ZEB2: variants seen among roughly 807,000 people sequenced by gnomAD.
The protein encoded by ZEB2 is zinc finger E-box binding homeobox 2.
Under a neutral mutation model 99.9 loss-of-function variants are expected in ZEB2, and 6 were observed. The ratio of observed to expected loss-of-function variants is 0.06; its 90% confidence interval spans 0.03 to 0.12. The LOEUF (loss-of-function observed/expected upper bound fraction) is 0.12. ZEB2 is among the 10% of genes least tolerant of loss of function. The pLI, the probability that ZEB2 is intolerant of heterozygous loss-of-function variation, is 1.00. For synonymous variants in ZEB2, 517 were observed against 542.5 expected (o/e 0.95, Z 0.65); for missense variants, 969 against 1,502.8 (o/e 0.64, Z 5.87).
chr2:144,427,762 G>A (rs1188095918), intron 3 of ZEB2: 3 of 152,126 alleles, frequency 2.0e-5, no homozygotes, highest in African/African-American at 7.2e-5. Context: ...GGTCCAAATA[G>A]CCAAATGAGA....
At chr2:144,461,546 A>T (rs986031305) in intron 2 of ZEB2, 1 of 152,214 alleles carries the variant, frequency 6.6e-6, no homozygotes, top group African/African-American at 2.4e-5. Context: ...ACACCCACTC[A>T]GTACCGCAAC....
chr2:144,512,902 C>A, intron 2 of ZEB2: 1 of 1,287,248 alleles, frequency 7.8e-7, no homozygotes, highest in Non-Finnish European at 1.0e-6. Flanking sequence ...ACACAACCTG[C>A]CCCAGTGCTT....
intron 6 of ZEB2, among the ~76,000 whole-genome samples, chr2:144,403,278 A>AG (rs1418105760): frequency 6.6e-6 from 1 of 152,216 alleles, no homozygotes; most frequent in Admixed American, 6.5e-5. Flanking sequence ...AAGCAAAAAG[A>AG]GGGGGAGTAA....
At chr2:144,515,218 T>C (rs138069591) in intron 2 of ZEB2, among the ~76,000 whole-genome samples, 3 of 151,732 alleles carry the variant, frequency 2.0e-5, no homozygotes, top group Admixed American at 6.6e-5. Context: ...AAAAAATGAC[T>C]GTTTAACAGA....
At chr2:144,405,919 T>A (rs1006046391) in intron 4 of ZEB2, among the ~76,000 whole-genome samples, 1 of 152,220 alleles carries the variant, frequency 6.6e-6, no homozygotes, top group Admixed American at 6.5e-5. Context: ...CTATCATAAA[T>A]AATATTTTTA....
chr2:144,423,638 A>G (rs1470644081), intron 4 of ZEB2, among the ~76,000 whole-genome samples: 2 of 152,168 alleles, frequency 1.3e-5, no homozygotes, highest in Non-Finnish European at 2.9e-5. Context: ...TACTTTTTCT[A>G]GAATCATCTA....
At chr2:144,411,097 A>ATATATATATG (rs1553962757) in intron 4 of ZEB2, among the ~76,000 whole-genome samples, 2 of 99,144 alleles carry the variant, frequency 2.0e-5, no homozygotes, top group African/African-American at 6.9e-5. Flanking sequence ...ATATATATAT[A>ATATATATATG]TATGTATAAT....
intron 1 of ZEB2, chr2:144,518,858 TAAAG>T (rs1705216225): frequency 6.6e-6 from 1 of 152,216 alleles, no homozygotes; most frequent in Admixed American, 6.5e-5. Context: ...ACATGTTTAA[TAAAG>T]TAAGTTGCTA....
intron 2 of ZEB2, among the ~76,000 whole-genome samples, chr2:144,497,985 T>TAC (rs1384406724): frequency 0.012 from 73 of 6,226 alleles, 7 homozygotes; most frequent in East Asian, 0.041. Context: ...TTATATAATA[T>TAC]ATTAATATTA....
chr2:144,405,318 A>G, intron 4 of ZEB2: 1 of 361,612 alleles, frequency 2.8e-6, no homozygotes. Context: ...TGTTTTTCAT[A>G]AATTTTTTTT....
At chr2:144,451,818 A>G (rs980585050) in intron 2 of ZEB2, among the ~76,000 whole-genome samples, 1 of 152,194 alleles carries the variant, frequency 6.6e-6, no homozygotes, top group Non-Finnish European at 1.5e-5. Context: ...TGGGTTTTCT[A>G]TTTGTCCATA....
At chr2:144,419,081 T>A (rs989970425) in intron 4 of ZEB2, among the ~76,000 whole-genome samples, 3 of 152,232 alleles carry the variant, frequency 2.0e-5, no homozygotes, top group African/African-American at 4.8e-5. Context: ...GATTTCCACT[T>A]TACCGATGTA....
chr2:144,438,549 G>A (rs1703866829), intron 2 of ZEB2, among the ~76,000 whole-genome samples: 1 of 152,016 alleles, frequency 6.6e-6, no homozygotes, highest in African/African-American at 2.4e-5. Context: ...AGTATGGGTC[G>A]TTACAAACTT....
intron 2 of ZEB2, among the ~76,000 whole-genome samples, chr2:144,499,342 A>G (rs974584658): frequency 6.6e-6 from 1 of 152,236 alleles, no homozygotes; most frequent in Non-Finnish European, 1.5e-5. Flanking sequence ...AAGATTTTAA[A>G]AGTCTAGCGG....
At chr2:144,455,848 C>G (rs1443683837) in intron 2 of ZEB2, among the ~76,000 whole-genome samples, 3 of 151,944 alleles carry the variant, frequency 2.0e-5, no homozygotes, top group Non-Finnish European at 4.4e-5. Flanking sequence ...CCCAAGAAGC[C>G]ATTATTATTA....
intron 2 of ZEB2, among the ~76,000 whole-genome samples, chr2:144,467,024 C>T (rs1266473979): frequency 6.6e-6 from 1 of 152,160 alleles, no homozygotes; most frequent in Non-Finnish European, 1.5e-5. Flanking sequence ...TTCTTAATCC[C>T]TCCCTAACAA....
intron 2 of ZEB2, 78 bp downstream of exon 2, chr2:144,517,200 T>C: frequency 6.3e-7 from 1 of 1,589,172 alleles, no homozygotes; most frequent in Non-Finnish European, 8.6e-7. Flanking sequence ...CTCGGTTCCT[T>C]TTCCCTTTCC....
chr2:144,500,510 T>C (rs149845483), intron 2 of ZEB2, among the ~76,000 whole-genome samples: 1 of 152,356 alleles, frequency 6.6e-6, no homozygotes, highest in African/African-American at 2.4e-5. Flanking sequence ...GCGTATATTT[T>C]GGTATTGCAC....
intron 2 of ZEB2, among the ~76,000 whole-genome samples, chr2:144,464,940 T>C (rs754692529): frequency 6.6e-5 from 10 of 152,170 alleles, no homozygotes; most frequent in Non-Finnish European, 1.2e-4. Context: ...CTTGATAAGA[T>C]AACATGGAGA....
Sources: allele counts gnomAD v4.1 joint callset (sites outside exome capture counted in the v4.1 genomes callset), GRCh38; gene constraint gnomAD v4.1.1; transcripts MANE v1.5; gene names NCBI Gene and HGNC (gene_info 2026-07-23, HGNC 2026-07-21).